The following SLC9A6 variants were observed in gnomAD, a reference collection of about 807,000 sequenced individuals.
SLC9A6 encodes the protein sodium/hydrogen exchanger 6.
SLC9A6 carries 6 observed loss-of-function variants against 45.3 expected under a neutral mutation model. That is an observed-to-expected ratio of 0.13 (90% CI 0.07 to 0.26). SLC9A6 has a LOEUF of 0.26. SLC9A6 is among the 10% of genes least tolerant of loss of function. SLC9A6 has a pLI of 1.00. For synonymous variants in SLC9A6, 191 were observed against 187.7 expected (o/e 1.02, Z -0.14); for missense variants, 278 against 503.7 (o/e 0.55, Z 4.29).
chrX:135,998,659 A>G (rs2089539492), intron 5 of SLC9A6, 101 bp downstream of exon 5: 1 of 715,629 alleles, frequency 1.4e-6, no homozygotes, highest in Non-Finnish European at 2.1e-6. Flanking sequence ...GACTGGGTCT[A>G]AAGACTTTTG....
At chrX:135,983,998 TC>T (rs1271414449), upstream of SLC9A6, among the ~76,000 whole-genome samples, 5 of 110,980 alleles carry the variant, frequency 4.5e-5, no homozygotes, top group Non-Finnish European at 7.5e-5. Context: ...GGGCACACAG[TC>T]ACTGGCTCTG....
intron 2 of SLC9A6, among the ~76,000 whole-genome samples, chrX:135,987,499 T>C (rs1247337080): frequency 9.0e-6 from 1 of 111,171 alleles, no homozygotes; most frequent in African/African-American, 3.3e-5. Context: ...ACTTCTTTTA[T>C]AGAGAGAGAT....
At chrX:136,027,866 T>G (rs1167914476) in intron 13 of SLC9A6, among the ~76,000 whole-genome samples, 1 of 112,554 alleles carries the variant, frequency 8.9e-6, no homozygotes, top group Non-Finnish European at 1.9e-5. Flanking sequence ...GAACGGTGGA[T>G]CCACAGTAAA....
At chrX:136,023,139 C>T in intron 12 of SLC9A6, among the ~76,000 whole-genome samples, 1 of 72,049 alleles carries the variant, frequency 1.4e-5, no homozygotes, top group African/African-American at 5.3e-5. Context: ...ATTGAAGTTG[C>T]ATCCTTGAAT....
rs782441381 is a variant in SLC9A6 at position 136,047,072 on chromosome X, A to G, written c.*2348A>G. On this transcript the variant is annotated 3_prime_UTR_variant, in exon 18 of 18. Transcript: ENST00000630721. ...TCTCTGGAGTACTTGGACAGATGTT[A>G]TAGTGGTTTCTTTTAGGAAAATCTG... 8.9e-6 allele frequency: 1 copy of G among 112,899 alleles called. No individual in the cohort carries two copies. Among genetic ancestry groups the G allele is most frequent in the African/African-American group, 3.2e-5 (1 of 30,987 alleles). The allele number at this position is 112,899 out of a possible 1,213,427, so 9.3% of individuals were successfully genotyped here.
chrX:136,023,193 A>G (rs1348862545), intron 12 of SLC9A6, among the ~76,000 whole-genome samples: 3 of 43,862 alleles, frequency 6.8e-5, no homozygotes, highest in African/African-American at 1.1e-4. Flanking sequence ...ATATATATAT[A>G]TATATATATA....
chrX:135,987,081 C>T (rs1288211567), intron 2 of SLC9A6, among the ~76,000 whole-genome samples: 3 of 111,516 alleles, frequency 2.7e-5, no homozygotes, highest in African/African-American at 9.8e-5. Flanking sequence ...AGTTGTGTGC[C>T]TCAGGAAGAT....
rs540334678 is a variant in SLC9A6 at position 135,993,255 on chromosome X, T to A, written c.170-1531T>A. Among the ~76,000 whole-genome samples the A allele has an allele frequency of 2.2e-4, 25 of 111,133 alleles. No homozygotes were observed. In the South Asian group the frequency reaches 9.1e-3, roughly 40 times the overall value. On this transcript the variant is annotated intron_variant, in intron 2 of 17. Coordinates refer to ENST00000630721, the MANE Select transcript of SLC9A6 (RefSeq NM_001379110.1). Reference sequence around the variant, plus strand: ...CAGGTCCATAAAGAAAGAAAGTAGATGAGTGGTTGCCAGGGGCTGTGGATT... The same window carrying A: ...CAGGTCCATAAAGAAAGAAAGTAGAAGAGTGGTTGCCAGGGGCTGTGGATT...
At chrX:136,023,474 A>G (rs2071173681) in intron 12 of SLC9A6, among the ~76,000 whole-genome samples, 1 of 108,417 alleles carries the variant, frequency 9.2e-6, no homozygotes, top group African/African-American at 3.4e-5. Flanking sequence ...CACTAAAAAG[A>G]ACAAACAATT....
In SLC9A6 at chrX:136,040,046, AG is replaced by A. The variant is rs782110798; in HGVS notation, c.1662-28del. Reference sequence around the variant, plus strand: ...GTTGCTCTTTTAAATTTGTAAAGAAAGGACCACAGCTCTTCCTTAACCACCG... The same window carrying A: ...GTTGCTCTTTTAAATTTGTAAAGAAAGACCACAGCTCTTCCTTAACCACCG... On this transcript the variant is annotated intron_variant, in intron 16 of 17. Transcript: ENST00000630721. 15 of 1,112,572 alleles carry A rather than the reference AG, an allele frequency of 1.3e-5. No homozygotes were observed. The African/African-American group carries it at 2.7e-4, about 20-fold the overall frequency. The allele number at this position is 1,112,572 out of a possible 1,213,427, so 91.7% of individuals were successfully genotyped here. A position where few individuals can be genotyped will look rare whatever the true frequency, so the allele number is the denominator to read the frequency against.
At chrX:135,999,861 AG>A (rs1373947115) in intron 6 of SLC9A6, among the ~76,000 whole-genome samples, 3 of 111,460 alleles carry the variant, frequency 2.7e-5, no homozygotes, top group African/African-American at 9.8e-5. Flanking sequence ...GCACAATTAA[AG>A]GTAGAATCCT....
intron 6 of SLC9A6, among the ~76,000 whole-genome samples, chrX:136,001,215 T>TA (rs1211653075): frequency 9.3e-6 from 1 of 107,443 alleles, no homozygotes; most frequent in Admixed American, 1.0e-4. Flanking sequence ...CGGGCGCCTG[T>TA]AGTCCCAGCT....
At chrX:135,983,434 G>A (rs1556614392), upstream of SLC9A6, 1 of 110,091 alleles carries the variant, frequency 9.1e-6, no homozygotes, top group African/African-American at 3.3e-5. Context: ...AGGGAGGGAA[G>A]TAGCAAGAGG....
upstream of SLC9A6, among the ~76,000 whole-genome samples, chrX:135,981,366 A>G (rs1057235672): frequency 9.0e-6 from 1 of 111,059 alleles, no homozygotes; most frequent in African/African-American, 3.3e-5. Context: ...CATGGGGGAA[A>G]CTGTCCCCAT....
intron 7 of SLC9A6, among the ~76,000 whole-genome samples, chrX:136,003,855 T>C (rs2089615743): frequency 9.0e-6 from 1 of 111,721 alleles, no homozygotes; most frequent in Non-Finnish European, 1.9e-5. Context: ...TTTGTGTTTC[T>C]CTTATTTGAC....
In SLC9A6 at chrX:135,985,458, C is replaced by G; in HGVS notation, c.-76C>G. 1 of 985,730 alleles carries G rather than the reference C, an allele frequency of 1.0e-6. No individual in the cohort carries two copies. Among genetic ancestry groups the G allele is most frequent in the Non-Finnish European group, 1.3e-6 (1 of 767,399 alleles). 81.2% of individuals were successfully genotyped at this position (985,730 alleles called of 1,213,427 possible). On this transcript the variant is annotated 5_prime_UTR_variant, in exon 1 of 18. Transcript: ENST00000630721. ...GTGAGCCCTCGGGGAGTGGTCCGAC[C>G]GCGGGCGGCCGCCGGTGAGGTAGGG...
chrX:136,001,844 C>T (rs781785985), intron 6 of SLC9A6, among the ~76,000 whole-genome samples: 1 of 112,002 alleles, frequency 8.9e-6, no homozygotes, highest in Non-Finnish European at 1.9e-5. Flanking sequence ...TTAACATCTG[C>T]GTGAAGAATG....
chrX:136,000,716 G>C lies in SLC9A6; in HGVS notation c.638-1392G>C, dbSNP rs13340767. Among the ~76,000 whole-genome samples the C allele has an allele frequency of 1.2e-3, 131 of 112,159 alleles. 1 individual carries two copies. Among genetic ancestry groups the C allele is most frequent in the African/African-American group, 4.2e-3 (130 of 30,900 alleles). On this transcript the variant is annotated intron_variant, in intron 6 of 17. Coordinates refer to ENST00000630721, the MANE Select transcript of SLC9A6 (RefSeq NM_001379110.1). ...GCTTGCTCTTAGAAGGGTGAGGTAT[G>C]GGTTTCTTTTAGAAATTCTGCACTA...
chrX:135,976,406 G>C (rs1052095445), intron 1 of SLC9A6, among the ~76,000 whole-genome samples: 3 of 111,095 alleles, frequency 2.7e-5, no homozygotes, highest in African/African-American at 9.8e-5. Context: ...TTCCAGACCA[G>C]CCTGGCCAAC....
Sources: gnomAD v4.1 joint callset for allele counts (sites outside exome capture counted in the v4.1 genomes callset) on GRCh38, gnomAD v4.1.1 for gene constraint, MANE v1.5 for transcripts, NCBI Gene and HGNC (gene_info 2026-07-23, HGNC 2026-07-21) for gene names.